GNA14: variants seen among roughly 807,000 people sequenced by gnomAD.
GNA14 encodes the protein guanine nucleotide-binding protein subunit alpha-14.
In GNA14, 50 loss-of-function variants were observed where a neutral mutation model predicts 42.0. The ratio of observed to expected loss-of-function variants is 1.19; its 90% CI spans 0.95 to 1.51. The LOEUF (loss-of-function observed/expected upper bound fraction) is 1.51, where lower values mean the gene tolerates loss of function less well. GNA14 is among the 40% of genes most tolerant of loss of function. The pLI is 0.00. For missense variants in GNA14, 473 were observed against 446.2 expected, an observed-to-expected ratio of 1.06 and a Z score of -0.54; for synonymous variants, 173 against 163.1, an observed-to-expected ratio of 1.06 and a Z score of -0.46.
intron 1 of GNA14, among the ~76,000 whole-genome samples, chr9:77,544,271 C>T (rs545582115): frequency 1.3e-5 from 2 of 152,176 alleles, no homozygotes; most frequent in South Asian, 4.2e-4. Flanking sequence ...TTTGGAAAAC[C>T]CTCTCGACAT....
At chr9:77,439,639 AAAT>A (rs1046764314) in intron 2 of GNA14, among the ~76,000 whole-genome samples, 9 of 151,766 alleles carry the variant, frequency 5.9e-5, no homozygotes, top group Non-Finnish European at 8.8e-5. Flanking sequence ...ACTGTTTCAA[AAAT>A]AATAATAATG....
rs566658572 is a variant in GNA14 at position 77,426,984 on chromosome 9, G to A, written c.724-1269C>T. ...ACTCAGTACGCATTGGGGGAATTAC[G>A]ATCTGGAATGTATTAAAGCTTTAAA... On this transcript the variant is annotated intron_variant, in intron 5 of 6. Coordinates refer to ENST00000341700, the MANE Select transcript of GNA14 (RefSeq NM_004297.4). Among the ~76,000 whole-genome samples, 9 of 152,216 alleles carry A rather than the reference G, an allele frequency of 5.9e-5. No individual in the cohort carries two copies. In the East Asian group the frequency reaches 1.5e-3, roughly 26 times the overall value.
At chr9:77,431,024 T>TGTGTGTGTGTGTGTGTGTGTGTGTG in intron 4 of GNA14, among the ~76,000 whole-genome samples, 1 of 101,522 alleles carries the variant, frequency 9.9e-6, no homozygotes, top group South Asian at 2.8e-4. Flanking sequence ...AAGTATACAT[T>TGTGTGTGTGTGTGTGTGTGTGTGTG]TGTGTGTGTG....
At chr9:77,458,906 G>GGGGA in intron 2 of GNA14, among the ~76,000 whole-genome samples, 1 of 113,096 alleles carries the variant, frequency 8.8e-6, no homozygotes, top group East Asian at 2.8e-4. Context: ...CAAGCTGGAG[G>GGGGA]GGGGGGGGTT....
intron 2 of GNA14, among the ~76,000 whole-genome samples, chr9:77,494,771 TTTTTG>T (rs143044675): frequency 0.35 from 52,901 of 149,758 alleles, 9,529 homozygotes; most frequent in Middle Eastern, 0.47. Context: ...AGTTGTGGGG[TTTTTG>T]TTTTGTTTTG....
intron 2 of GNA14, among the ~76,000 whole-genome samples, chr9:77,486,100 C>T (rs1004793808): frequency 2.0e-5 from 3 of 152,210 alleles, no homozygotes; most frequent in African/African-American, 7.2e-5. Flanking sequence ...CAATAGAAGG[C>T]TGTTTCATCT....
chr9:77,593,391 G>A (rs1232140563), intron 1 of GNA14, among the ~76,000 whole-genome samples: 1 of 150,350 alleles, frequency 6.7e-6, no homozygotes, highest in African/African-American at 2.5e-5. Flanking sequence ...GCAGTGGTGT[G>A]ATCTTGGCTC....
At chr9:77,497,620 G>A (rs932633914) in intron 2 of GNA14, among the ~76,000 whole-genome samples, 15 of 151,456 alleles carry the variant, frequency 9.9e-5, no homozygotes, top group Middle Eastern at 3.4e-3. Flanking sequence ...CTTCCTGAGC[G>A]TGGAGACCAC....
chr9:77,425,851 C>T, intron 5 of GNA14, 136 bp from the exon 6 acceptor site: 2 of 702,160 alleles, frequency 2.8e-6, no homozygotes, highest in Non-Finnish European at 4.7e-6. Flanking sequence ...AGCTGGTGAG[C>T]ATGTGGGGCC....
intron 2 of GNA14, among the ~76,000 whole-genome samples, chr9:77,483,479 G>A (rs7046338): frequency 0.014 from 2,090 of 152,272 alleles, 19 homozygotes; most frequent in East Asian, 0.038. Flanking sequence ...CAGTCTGCCC[G>A]TAATAGGGGG....
intron 3 of GNA14, among the ~76,000 whole-genome samples, chr9:77,433,857 G>C (rs950123261): frequency 1.3e-5 from 2 of 152,174 alleles, no homozygotes; most frequent in Admixed American, 1.3e-4. Context: ...CCTCCTATCT[G>C]TGCCACTAGA....
intron 1 of GNA14, among the ~76,000 whole-genome samples, chr9:77,544,819 G>A (rs1188358896): frequency 1.3e-5 from 2 of 152,072 alleles, no homozygotes; most frequent in African/African-American, 4.8e-5. Flanking sequence ...ACTCACTGCT[G>A]CTTCTGAAAA....
intron 1 of GNA14, among the ~76,000 whole-genome samples, chr9:77,638,847 A>T (rs1025451004): frequency 2.6e-5 from 4 of 152,212 alleles, no homozygotes; most frequent in African/African-American, 9.7e-5. Context: ...GCAAATGTTT[A>T]ACACCAGAGA....
Position 77,622,538 on chromosome 9 carries a change from T to C in GNA14, c.124+25132A>G, listed in dbSNP as rs908437054. Reference sequence around the variant, plus strand: ...AATCCCAGCACTTTGGGAGGCCGAGTTGGGCGGATCACAGAGTCAGGAGAT... The same window carrying C: ...AATCCCAGCACTTTGGGAGGCCGAGCTGGGCGGATCACAGAGTCAGGAGAT... On this transcript the variant is annotated intron_variant, in intron 1 of 6. Coordinates refer to ENST00000341700, the MANE Select transcript of GNA14 (RefSeq NM_004297.4). Among the ~76,000 whole-genome samples, 7 of 146,522 alleles carry C rather than the reference T, an allele frequency of 4.8e-5. No individual in the cohort carries two copies. In the South Asian group the frequency reaches 1.5e-3, roughly 32 times the overall value.
intron 2 of GNA14, among the ~76,000 whole-genome samples, chr9:77,441,972 T>TG (rs1288415795): frequency 6.6e-6 from 1 of 152,252 alleles, no homozygotes; most frequent in Non-Finnish European, 1.5e-5. Flanking sequence ...AAGGAACTTC[T>TG]GCTTCAGGTA....
chr9:77,647,996 C>G lies in GNA14; in HGVS notation c.-203G>C. On this transcript the variant is annotated 5_prime_UTR_variant, in exon 1 of 7. Coordinates refer to ENST00000341700, the MANE Select transcript of GNA14 (RefSeq NM_004297.4). The stretch of plus-strand genomic sequence containing the variant: ...GTCGGCTCTGAGGCGGGGTGAATGC[C>G]GAGCGCTGGGAACGCTCGAGTGCAC... The G allele has an allele frequency of 3.4e-6, 2 of 587,500 alleles. No homozygotes were observed. The highest frequency in any genetic ancestry group is 4.5e-5 in the South Asian group (2 of 44,064). 36.4% of individuals were successfully genotyped at this position (587,500 alleles called of 1,614,324 possible).
At chr9:77,517,149 T>C (rs760960492) in intron 2 of GNA14, among the ~76,000 whole-genome samples, 4 of 152,204 alleles carry the variant, frequency 2.6e-5, no homozygotes, top group East Asian at 1.9e-4. Context: ...AAAAATATCA[T>C]GGGAATTCTT....
chr9:77,571,467 T>C (rs201840481), intron 1 of GNA14, among the ~76,000 whole-genome samples: 1 of 152,172 alleles, frequency 6.6e-6, no homozygotes, highest in African/African-American at 2.4e-5. Context: ...CATGTGGCTG[T>C]TGAGCACTTG....
chr9:77,534,691 G>T (rs1443143342), intron 1 of GNA14, among the ~76,000 whole-genome samples: 1 of 152,220 alleles, frequency 6.6e-6, no homozygotes, highest in African/African-American at 2.4e-5. Context: ...TCATCTATGT[G>T]CCCAACAGGC....
Sources: allele counts gnomAD v4.1 joint callset (sites outside exome capture counted in the v4.1 genomes callset), GRCh38; gene constraint gnomAD v4.1.1; transcripts MANE v1.5; gene names NCBI Gene and HGNC (gene_info 2026-07-23, HGNC 2026-07-21).